HSPB8: variants seen among roughly 807,000 people sequenced by gnomAD.
HSPB8 encodes heat shock protein family B (small) member 8.
HSPB8 carries 9 observed loss-of-function variants against 16.5 expected under a neutral mutation model. The observed-to-expected ratio is 0.55, with a 90% confidence interval of 0.33 to 0.95. The LOEUF (loss-of-function observed/expected upper bound fraction) is 0.95. Ranked by LOEUF, HSPB8 falls within the 40% of genes least tolerant of loss-of-function variation. The pLI, the probability that HSPB8 is intolerant of heterozygous loss-of-function variation, is 0.03. For synonymous variants in HSPB8, 99 were observed against 94.8 expected, an observed-to-expected ratio of 1.04 and a Z score of -0.26; for missense variants, 238 against 251.2, an observed-to-expected ratio of 0.95 and a Z score of 0.35.
At chr12:119,179,760 C>A in intron 1 of HSPB8, 81 bp downstream of exon 1, 1 of 1,507,114 alleles carries the variant, frequency 6.6e-7, no homozygotes, top group South Asian at 1.4e-5. Flanking sequence ...AGAAAGTTTC[C>A]TGGGAGCTGA....
At chr12:119,179,780 AGTGTGACACAG>A in intron 1 of HSPB8, 101 bp downstream of exon 1, 3 of 1,449,678 alleles carry the variant, frequency 2.1e-6, no homozygotes, top group Non-Finnish European at 2.8e-6. Context: ...ACGTTGGGAC[AGTGTGACACAG>A]GTGACCTCAG....
chr12:119,181,334 G>T lies in HSPB8; in HGVS notation c.367+1655G>T, dbSNP rs948394115. On this transcript the variant is annotated intron_variant, in intron 1 of 2. Coordinates refer to ENST00000281938, the MANE Select transcript of HSPB8 (RefSeq NM_014365.3). ...ATATATGTAAGAAGTACATTGGTTCGATCTAGAAATGCAGGACAACTTGAA... is the reference window on the plus strand; with the variant it reads ...ATATATGTAAGAAGTACATTGGTTCTATCTAGAAATGCAGGACAACTTGAA... Among the ~76,000 whole-genome samples, 6 of 152,306 alleles carry T rather than the reference G, an allele frequency of 3.9e-5. No individual in the cohort carries two copies. In the East Asian group the frequency reaches 1.2e-3, roughly 29 times the overall value.
rs543387725 is a variant in HSPB8, at chr12:119,187,516, G to A, written c.431+428G>A. Among the ~76,000 whole-genome samples, 7 of 152,082 alleles carry A rather than the reference G, an allele frequency of 4.6e-5. No homozygotes were observed. In the South Asian group the frequency reaches 6.2e-4, roughly 14 times the overall value. On this transcript the variant is annotated intron_variant, in intron 2 of 2. Coordinates refer to ENST00000281938, the MANE Select transcript of HSPB8 (RefSeq NM_014365.3). ...ATTACAGGCATGTGCCACCATGTCCGGCTAATTTTTTGTATTTGTTTAGTA... is the reference window on the plus strand; with the variant it reads ...ATTACAGGCATGTGCCACCATGTCCAGCTAATTTTTTGTATTTGTTTAGTA...
At chr12:119,183,097 G>A (rs1455354600) in intron 1 of HSPB8, 3 of 152,218 alleles carry the variant, frequency 2.0e-5, no homozygotes, top group Admixed American at 1.3e-4. Flanking sequence ...AACAGGAGCA[G>A]GAGAGTTCAA....
chr12:119,182,334 C>G (rs374725832), intron 1 of HSPB8: 1 of 152,098 alleles, frequency 6.6e-6, no homozygotes, highest in African/African-American at 2.4e-5. Flanking sequence ...ATATCAGGAG[C>G]TCTATTTAAG....
At position 119,179,520 on chromosome 12, in the gene HSPB8, C is replaced by A; in HGVS notation, c.208C>A (p.Pro70Thr). Residue 70 changes from proline (P) to threonine (T), a missense_variant, in exon 1 of 3, where the codon CCC becomes ACC. Transcript: ENST00000281938. ...AGGCACCCTAAGGTCGGGCATGGTG[C>A]CCCGGGGCCCCACTGCCACCGCCAG... is the stretch of plus-strand genomic sequence containing the variant. ...WPGTLRSGMV[P>T]RGPTATARFG... 2 of 1,613,856 alleles carry A rather than the reference C, an allele frequency of 1.2e-6. No individual in the cohort carries two copies. The highest frequency in any genetic ancestry group is 4.5e-5 in the East Asian group (2 of 44,866).
intron 2 of HSPB8, among the ~76,000 whole-genome samples, chr12:119,188,307 C>T (rs1258728164): frequency 6.8e-6 from 1 of 147,122 alleles, no homozygotes; most frequent in African/African-American, 2.5e-5. Context: ...AGTGCAGTGG[C>T]ACGATGTCAG....
At chr12:119,181,665 C>T (rs1954638661) in intron 1 of HSPB8, among the ~76,000 whole-genome samples, 1 of 152,092 alleles carries the variant, frequency 6.6e-6, no homozygotes, top group African/African-American at 2.4e-5. Flanking sequence ...TCCAGGAAGG[C>T]CCCAATAAAT....
At chr12:119,186,764 C>T in intron 1 of HSPB8, 1 of 487,960 alleles carries the variant, frequency 2.0e-6, no homozygotes, top group South Asian at 2.1e-5. Context: ...CTCAGACTAA[C>T]CCTTAATTAA....
rs1359101270 is a variant in HSPB8, at chr12:119,184,601, A to G, written c.368-2424A>G. 2.6e-5 allele frequency among the ~76,000 whole-genome samples: 4 copies of G among 152,356 alleles called. No homozygotes were observed. The East Asian group carries it at 7.7e-4, about 29-fold the overall frequency. On this transcript the variant is annotated intron_variant, in intron 1 of 2. Coordinates refer to ENST00000281938, the MANE Select transcript of HSPB8 (RefSeq NM_014365.3). ...AGGTAGACTCTTTAAGCGGCCACAC[A>G]TTCACAGGATAGCATGTTCTGGTTA...
chr12:119,179,891 T>C (rs1954626106), intron 1 of HSPB8, among the ~76,000 whole-genome samples: 1 of 152,150 alleles, frequency 6.6e-6, no homozygotes, highest in South Asian at 2.1e-4. Flanking sequence ...ACTCAGCTAT[T>C]GGGGCCTCTG....
At position 119,191,151 on chromosome 12, in the gene HSPB8, G is replaced by A. The variant is rs146808485; in HGVS notation, c.432-2548G>A. ...AACATGTAAGGTCAAAGACTGCAAC[G>A]TAATTCTCACTCCACCCTAAGAGGT... On this transcript the variant is annotated intron_variant, in intron 2 of 2. Coordinates refer to ENST00000281938, the MANE Select transcript of HSPB8 (RefSeq NM_014365.3). Among the ~76,000 whole-genome samples the A allele has an allele frequency of 4.9e-3, 740 of 152,280 alleles. 2 individuals carry two copies. Among genetic ancestry groups the A allele is most frequent in the Non-Finnish European group, 7.6e-3 (520 of 68,040 alleles).
At chr12:119,193,637 AT>A in intron 2 of HSPB8, 61 bp from the exon 3 acceptor site, 1 of 1,562,054 alleles carries the variant, frequency 6.4e-7, no homozygotes. Context: ...TCTCAAGTGA[AT>A]AAAAGAATGT....
Position 119,190,647 on chromosome 12 carries a change from GT to G in HSPB8, c.432-3043del, listed in dbSNP as rs959013615. Among the ~76,000 whole-genome samples, 54 of 151,478 alleles carry G rather than the reference GT, an allele frequency of 3.6e-4. No homozygotes were observed. In the East Asian group the frequency reaches 5.8e-3, roughly 16 times the overall value. On this transcript the variant is annotated intron_variant, in intron 2 of 2. Coordinates refer to ENST00000281938, the MANE Select transcript of HSPB8 (RefSeq NM_014365.3). ...ATTGCTGTACCATGATTTACTAAAGGTTTTTTTTTCTTTTAGATCATCTCAT... is the reference window on the plus strand; with the variant it reads ...ATTGCTGTACCATGATTTACTAAAGGTTTTTTTTCTTTTAGATCATCTCAT...
intron 1 of HSPB8, among the ~76,000 whole-genome samples, chr12:119,184,045 G>A (rs920687263): frequency 6.6e-5 from 10 of 152,176 alleles, no homozygotes; most frequent in African/African-American, 2.2e-4. Context: ...ATAAACTGAG[G>A]CTCAGAGAAA....
At position 119,193,936 on chromosome 12, in the gene HSPB8, A is replaced by G. The variant is rs1242207966; in HGVS notation, c.*78A>G. 4.7e-6 allele frequency: 7 copies of G among 1,503,868 alleles called. No individual in the cohort carries two copies. The African/African-American group carries it at 9.7e-5, about 21-fold the overall frequency. The allele number at this position is 1,503,868 out of a possible 1,614,324, so 93.2% of individuals were successfully genotyped here. A position where few individuals can be genotyped will look rare whatever the true frequency, so the allele number is the denominator to read the frequency against. On this transcript the variant is annotated 3_prime_UTR_variant, in exon 3 of 3. Transcript: ENST00000281938. The stretch of plus-strand genomic sequence containing the variant: ...ATTCCAGGATACATTACTTTAGCTG[A>G]ACTCAGATTTAGTGCAAGTAAAATG...
At chr12:119,185,373 T>G (rs1954668459) in intron 1 of HSPB8, among the ~76,000 whole-genome samples, 1 of 151,964 alleles carries the variant, frequency 6.6e-6, no homozygotes, top group Admixed American at 6.6e-5. Context: ...CTCACCCTTT[T>G]GCTGGGCTGG....
chr12:119,191,789 G>T (rs114163616), intron 2 of HSPB8, among the ~76,000 whole-genome samples: 147 of 152,266 alleles, frequency 9.7e-4, no homozygotes, highest in African/African-American at 3.4e-3. Context: ...AATGTCTGGT[G>T]CTGGGGGAGG....
intron 1 of HSPB8, chr12:119,182,863 A>C (rs1329144626): frequency 1.3e-5 from 2 of 152,034 alleles, no homozygotes; most frequent in Non-Finnish European, 2.9e-5. Context: ...GGCCCAGAGA[A>C]AGTAACTCAC....
Sources: gnomAD v4.1 joint callset for allele counts (sites outside exome capture counted in the v4.1 genomes callset) on GRCh38, gnomAD v4.1.1 for gene constraint, MANE v1.5 for transcripts, NCBI Gene and HGNC (gene_info 2026-07-23, HGNC 2026-07-21) for gene names.